Variants in MACROD2 observed in about 807,000 individuals in gnomAD.
MACROD2 encodes the protein ADP-ribose glycohydrolase MACROD2.
A neutral mutation model predicts 70.4 loss-of-function variants in MACROD2; 36 were observed. The observed-to-expected ratio is 0.51, with a 90% CI of 0.39 to 0.68. The LOEUF is 0.68. MACROD2 is among the 30% of genes least tolerant of loss of function. The pLI is 0.00. For missense variants in MACROD2, 496 were observed against 538.4 expected (o/e 0.92, Z 0.78); for synonymous variants, 172 against 178.8 (o/e 0.96, Z 0.30).
chr20:15,384,951 A>G (rs1361388028), intron 6 of MACROD2, among the ~76,000 whole-genome samples: 1 of 152,196 alleles, frequency 6.6e-6, no homozygotes, highest in South Asian at 2.1e-4. Flanking sequence ...TTGACAAGTC[A>G]TCATGAAGGT....
intron 3 of MACROD2, among the ~76,000 whole-genome samples, chr20:14,190,699 T>TATATATATA (rs1491544961): frequency 1.9e-4 from 3 of 15,702 alleles, no homozygotes; most frequent in Non-Finnish European, 3.8e-4. Flanking sequence ...TATATATATA[T>TATATATATA]TTTTTTTTTT....
At chr20:14,973,225 C>CTTTTTTTTTT (rs1223038135) in intron 5 of MACROD2, among the ~76,000 whole-genome samples, 2 of 85,736 alleles carry the variant, frequency 2.3e-5, no homozygotes, top group Non-Finnish European at 4.5e-5. Flanking sequence ...TGAGTAGTTG[C>CTTTTTTTTTT]TTTTTTTTTT....
chr20:14,624,505 A>T (rs987845501), intron 4 of MACROD2, among the ~76,000 whole-genome samples: 5 of 152,220 alleles, frequency 3.3e-5, no homozygotes, highest in African/African-American at 1.2e-4. Flanking sequence ...AAAATGACAA[A>T]ACAGAACCAT....
chr20:15,519,169 G>C (rs1456023038), intron 8 of MACROD2, among the ~76,000 whole-genome samples: 1 of 151,188 alleles, frequency 6.6e-6, no homozygotes, highest in Non-Finnish European at 1.5e-5. Context: ...GGAGTGCAGT[G>C]GCACGACCTC....
intron 5 of MACROD2, among the ~76,000 whole-genome samples, chr20:15,201,467 A>G (rs964677924): frequency 2.6e-5 from 4 of 152,222 alleles, no homozygotes; most frequent in Admixed American, 2.0e-4. Context: ...AGTACATGAG[A>G]CAATGATACA....
At chr20:15,365,414 C>T (rs1482202134) in intron 6 of MACROD2, among the ~76,000 whole-genome samples, 3 of 151,950 alleles carry the variant, frequency 2.0e-5, no homozygotes, top group Admixed American at 6.6e-5. Flanking sequence ...ACCTGTAATC[C>T]CAGCCCTTTG....
intron 4 of MACROD2, among the ~76,000 whole-genome samples, chr20:14,591,779 G>A (rs2876381): frequency 0.67 from 102,460 of 152,052 alleles, 35,297 homozygotes; most frequent in East Asian, 0.93. Flanking sequence ...ACACACTTTC[G>A]CTGTAATAGT....
At chr20:15,370,586 CA>C (rs1419666073) in intron 6 of MACROD2, among the ~76,000 whole-genome samples, 3 of 151,730 alleles carry the variant, frequency 2.0e-5, no homozygotes, top group Non-Finnish European at 4.4e-5. Flanking sequence ...TATATACCAC[CA>C]AAAAAATACG....
At chr20:15,809,760 C>G (rs548322078) in intron 8 of MACROD2, among the ~76,000 whole-genome samples, 38 of 152,106 alleles carry the variant, frequency 2.5e-4, no homozygotes, top group South Asian at 2.1e-4. Context: ...CTATTGCATC[C>G]CCTTTGCCTG....
intron 5 of MACROD2, among the ~76,000 whole-genome samples, chr20:14,777,069 C>T (rs573253901): frequency 1.4e-4 from 21 of 152,024 alleles, no homozygotes; most frequent in African/African-American, 4.3e-4. Context: ...TTCCTATTGA[C>T]GGGCATTTGA....
At chr20:15,138,345 A>AT (rs1225057497) in intron 5 of MACROD2, among the ~76,000 whole-genome samples, 1 of 152,108 alleles carries the variant, frequency 6.6e-6, no homozygotes, top group African/African-American at 2.4e-5. Flanking sequence ...GGCATGAATG[A>AT]TTTTTTCATA....
At chr20:15,685,182 A>C (rs1391353382) in intron 8 of MACROD2, among the ~76,000 whole-genome samples, 2 of 152,160 alleles carry the variant, frequency 1.3e-5, no homozygotes, top group Non-Finnish European at 1.5e-5. Flanking sequence ...TATTTATGAA[A>C]GGGGTTGCAT....
At chr20:14,405,684 A>G (rs1394486418) in intron 3 of MACROD2, among the ~76,000 whole-genome samples, 1 of 152,162 alleles carries the variant, frequency 6.6e-6, no homozygotes, top group African/African-American at 2.4e-5. Context: ...ATCATGGCCT[A>G]TGTGACTGGT....
chr20:15,549,729 C>G (rs1455791328), intron 8 of MACROD2, among the ~76,000 whole-genome samples: 1 of 152,178 alleles, frequency 6.6e-6, no homozygotes, highest in African/African-American at 2.4e-5. Flanking sequence ...ATAATCGAAG[C>G]AGCTTCCTCT....
At chr20:15,351,862 G>A (rs1197975817) in intron 6 of MACROD2, among the ~76,000 whole-genome samples, 1 of 152,164 alleles carries the variant, frequency 6.6e-6, no homozygotes, top group East Asian at 1.9e-4. Flanking sequence ...TTTTCTTGGA[G>A]AAACTTGCCA....
At chr20:15,043,589 G>T (rs1174245725) in intron 5 of MACROD2, among the ~76,000 whole-genome samples, 1 of 152,090 alleles carries the variant, frequency 6.6e-6, no homozygotes, top group African/African-American at 2.4e-5. Context: ...TTTACTTATC[G>T]CCTCTTCCCT....
intron 8 of MACROD2, among the ~76,000 whole-genome samples, chr20:15,603,847 G>A (rs2048857755): frequency 6.6e-6 from 1 of 152,084 alleles, no homozygotes; most frequent in Non-Finnish European, 1.5e-5. Context: ...GGTTTACCCA[G>A]GAATGTTTTC....
chr20:16,016,752 T>G (rs2066935081), intron 15 of MACROD2, among the ~76,000 whole-genome samples: 1 of 152,184 alleles, frequency 6.6e-6, no homozygotes. Context: ...GCCATGCTGG[T>G]CTCGAACGAA....
intron 15 of MACROD2, among the ~76,000 whole-genome samples, chr20:16,000,711 T>C (rs2066698172): frequency 6.6e-6 from 1 of 152,226 alleles, no homozygotes; most frequent in Admixed American, 6.5e-5. Flanking sequence ...CAGACTTGCA[T>C]TATGACTGTG....
Sources: gnomAD v4.1 joint callset for allele counts (sites outside exome capture counted in the v4.1 genomes callset) on GRCh38, gnomAD v4.1.1 for gene constraint, MANE v1.5 for transcripts, NCBI Gene and HGNC (gene_info 2026-07-23, HGNC 2026-07-21) for gene names.